Variants in NTAN1 observed in about 807,000 individuals in gnomAD.
NTAN1 encodes protein N-terminal asparagine amidohydrolase.
NTAN1 carries 32 observed loss-of-function variants against 41.9 expected under a neutral mutation model. The observed-to-expected ratio is 0.76, with a 90% CI of 0.58 to 1.03. The LOEUF (loss-of-function observed/expected upper bound fraction) is 1.03. Ranked by LOEUF, NTAN1 falls within the 50% of genes least tolerant of loss-of-function variation. The pLI is 0.00. For synonymous variants in NTAN1, 140 were observed against 139.5 expected, an observed-to-expected ratio of 1.00 and a Z score of -0.03; for missense variants, 377 against 377.5, an observed-to-expected ratio of 1.00 and a Z score of 0.01.
At chr16:15,045,000 TGTA>T (rs1217732120) in intron 4 of NTAN1, 1 of 152,492 alleles carries the variant, frequency 6.6e-6, no homozygotes, top group Non-Finnish European at 1.5e-5. Flanking sequence ...GGCATGTGCC[TGTA>T]GTCCCAGCTA....
chr16:15,048,727 G>C (rs191277955), intron 1 of NTAN1, among the ~76,000 whole-genome samples: 2 of 151,990 alleles, frequency 1.3e-5, no homozygotes, highest in Admixed American at 6.6e-5. Context: ...AGGCTCAAGC[G>C]ATCCTACCAC....
Position 15,038,682 on chromosome 16 carries a change from A to G in NTAN1, c.645T>C (p.Ile215=). ...GTTCTGTCTCTGCATCATAAATGCT[A>G]ATCATCTAAAAAAGAACGTGTCAAG... The part of the protein sequence containing the change: ...AARTLAGGPM[I]SIYDAETEQL... The change falls in exon 9 of 10, where the codon ATT becomes ATC. Residue 215 remains isoleucine, a synonymous_variant. Transcript: ENST00000287706. 6.5e-7 allele frequency: 1 copy of G among 1,538,324 alleles called. No homozygotes were observed. Among genetic ancestry groups the G allele is most frequent in the Non-Finnish European group, 9.0e-7 (1 of 1,117,054 alleles).
intron 5 of NTAN1, among the ~76,000 whole-genome samples, chr16:15,043,361 T>A (rs1249280928): frequency 6.6e-6 from 1 of 152,192 alleles, no homozygotes; most frequent in Non-Finnish European, 1.5e-5. Context: ...TTAAGAGTTA[T>A]GGCGAGACCC....
At chr16:15,054,473 A>T (rs1005001084) in intron 1 of NTAN1, among the ~76,000 whole-genome samples, 1 of 152,208 alleles carries the variant, frequency 6.6e-6, no homozygotes, top group Admixed American at 6.5e-5. Flanking sequence ...CAGGCGGCTG[A>T]AATTATTTTT....
chr16:15,043,335 C>T (rs1025499966), intron 5 of NTAN1, among the ~76,000 whole-genome samples: 1 of 152,188 alleles, frequency 6.6e-6, no homozygotes, highest in African/African-American at 2.4e-5. Flanking sequence ...CGTGCCCGGC[C>T]GGATATGAAC....
chr16:15,040,341 G>A, intron 7 of NTAN1: 2 of 385,032 alleles, frequency 5.2e-6, no homozygotes, highest in Non-Finnish European at 9.2e-6. Flanking sequence ...CCTTCAGTCG[G>A]ACATGTAGCA....
Position 15,055,928 on chromosome 16 carries a change from G to T in NTAN1, c.44C>A (p.Ser15Ter). The T allele has an allele frequency of 8.1e-7, 1 of 1,233,136 alleles. No individual in the cohort carries two copies. Among genetic ancestry groups the T allele is most frequent in the South Asian group, 3.9e-5 (1 of 25,618 alleles). 76.4% of individuals were successfully genotyped at this position (1,233,136 alleles called of 1,614,324 possible). Residue 15 changes from serine to a stop codon, truncating the protein, a stop_gained, in exon 1 of 10, where the codon TCA (serine) becomes TAA (stop). Transcript: ENST00000287706. LOFTEE classifies it high-confidence loss of function. ...GTGGGCTCGGACGAGGTCCCCGGCT[G>T]ACTGCGGCAGCCGCACTCGCCGCCC... ...VEGRRVRLPQ[S>*]AGDLVRAHPP...
intron 1 of NTAN1, among the ~76,000 whole-genome samples, chr16:15,053,023 T>C (rs1379443907): frequency 1.3e-5 from 2 of 152,182 alleles, no homozygotes; most frequent in African/African-American, 4.8e-5. Context: ...GGCCACCGTC[T>C]ATATTCACAC....
chr16:15,039,925 C>CT (rs768908476), intron 8 of NTAN1, 44 bp downstream of exon 8: 3 of 1,087,816 alleles, frequency 2.8e-6, no homozygotes, highest in South Asian at 1.3e-5. Context: ...ACATTTGATG[C>CT]CTTTTTTTTT....
chr16:15,042,369 A>G (rs920166178), intron 5 of NTAN1, among the ~76,000 whole-genome samples: 1 of 151,472 alleles, frequency 6.6e-6, no homozygotes, highest in Non-Finnish European at 1.5e-5. Context: ...TATTTTCAGT[A>G]GAGACAGATG....
At chr16:15,052,451 C>T (rs2044331525) in intron 1 of NTAN1, among the ~76,000 whole-genome samples, 1 of 152,182 alleles carries the variant, frequency 6.6e-6, no homozygotes, top group South Asian at 2.1e-4. Context: ...ATGTGACCCT[C>T]ACCCCTGCTG....
chr16:15,047,301 C>T (rs957614245), intron 4 of NTAN1, 141 bp downstream of exon 4: 4 of 650,590 alleles, frequency 6.1e-6, no homozygotes, highest in South Asian at 3.6e-5. Flanking sequence ...GTGCCCACGT[C>T]GTGCCAGGTT....
intron 5 of NTAN1, among the ~76,000 whole-genome samples, chr16:15,043,690 C>T (rs2043926024): frequency 6.6e-6 from 1 of 152,108 alleles, no homozygotes; most frequent in African/African-American, 2.4e-5. Context: ...TGACTCACAC[C>T]TGTAATCCCA....
Position 15,047,050 on chromosome 16 carries a change from A to G in NTAN1, c.359+392T>C, listed in dbSNP as rs2044100910. 2.0e-5 allele frequency among the ~76,000 whole-genome samples: 3 copies of G among 152,150 alleles called. No individual in the cohort carries two copies. The South Asian group carries it at 6.2e-4, about 32-fold the overall frequency. On this transcript the variant is annotated intron_variant, in intron 4 of 9. Transcript: ENST00000287706. The stretch of plus-strand genomic sequence containing the variant: ...GGGCCGGGCTTTCTGTCTACTCTTC[A>G]CTGCTGTGTCCCTAGAAACTACAAG...
At chr16:15,052,904 GTATTACCCA>G (rs2044353664) in intron 1 of NTAN1, among the ~76,000 whole-genome samples, 2 of 152,094 alleles carry the variant, frequency 1.3e-5, no homozygotes, top group African/African-American at 4.8e-5. Flanking sequence ...CTGTGGAACC[GTATTACCCA>G]AGATGTTGCA....
intron 7 of NTAN1, 57 bp downstream of exon 7, chr16:15,041,011 G>T (rs2043790744): frequency 8.3e-7 from 1 of 1,202,194 alleles, no homozygotes; most frequent in Non-Finnish European, 1.2e-6. Context: ...TGCTGAATTA[G>T]ACTTTAACTG....
chr16:15,054,648 C>G (rs903151255), intron 1 of NTAN1, among the ~76,000 whole-genome samples: 1 of 152,160 alleles, frequency 6.6e-6, no homozygotes, highest in Non-Finnish European at 1.5e-5. Flanking sequence ...GCCTTCTCCC[C>G]GTCAGTAAGT....
chr16:15,043,888 C>T (rs953795481), intron 5 of NTAN1, among the ~76,000 whole-genome samples: 2 of 151,834 alleles, frequency 1.3e-5, no homozygotes, highest in Non-Finnish European at 2.9e-5. Context: ...GCAGAGCTTG[C>T]AGTGAGCCGA....
intron 3 of NTAN1, 111 bp from the exon 4 acceptor site, chr16:15,047,661 G>A (rs1297941834): frequency 1.1e-6 from 1 of 952,184 alleles, no homozygotes; most frequent in Non-Finnish European, 1.7e-6. Context: ...ATCCTGTAGG[G>A]GAAAAACGGA....
Sources: gnomAD v4.1 joint callset for allele counts (sites outside exome capture counted in the v4.1 genomes callset) on GRCh38, gnomAD v4.1.1 for gene constraint, MANE v1.5 for transcripts, NCBI Gene and HGNC (gene_info 2026-07-23, HGNC 2026-07-21) for gene names.